The following MYOC variants were observed in gnomAD, a reference collection of about 807,000 sequenced individuals.
The protein encoded by MYOC is myocilin, also known as juvenile-onset open-angle glaucoma 1.
Under a neutral mutation model 28.2 loss-of-function variants are expected in MYOC, and 29 were observed. The ratio of observed to expected loss-of-function variants is 1.03; its 90% CI spans 0.77 to 1.40. The LOEUF is 1.40. Ranked by LOEUF, MYOC falls within the 40% of genes most tolerant of loss-of-function variation. MYOC has a pLI of 0.00. For missense variants in MYOC, 569 were observed against 620.6 expected, an observed-to-expected ratio of 0.92 and a Z score of 0.88; for synonymous variants, 240 against 245.6, an observed-to-expected ratio of 0.98 and a Z score of 0.21.
chr1:171,649,060 T>G (rs1012110273), intron 1 of MYOC, among the ~76,000 whole-genome samples: 2 of 151,838 alleles, frequency 1.3e-5, no homozygotes, highest in Non-Finnish European at 2.9e-5. Context: ...ATATGAAAAT[T>G]TATATAAGCC....
At chr1:171,641,085 G>T (rs2102946652) in intron 1 of MYOC, among the ~76,000 whole-genome samples, 1 of 152,314 alleles carries the variant, frequency 6.6e-6, no homozygotes, top group Non-Finnish European at 1.5e-5. Flanking sequence ...AGGTTCATCA[G>T]TTGTAACAAC....
intron 1 of MYOC, among the ~76,000 whole-genome samples, chr1:171,648,633 T>TTA (rs1324815491): frequency 6.8e-6 from 1 of 148,076 alleles, no homozygotes; most frequent in Non-Finnish European, 1.5e-5. Context: ...ATGTATTTTA[T>TTA]TATATATATA....
intron 1 of MYOC, among the ~76,000 whole-genome samples, chr1:171,646,802 T>C (rs1653217115): frequency 6.6e-6 from 1 of 152,136 alleles, no homozygotes; most frequent in South Asian, 2.1e-4. Flanking sequence ...GCTGTTTTTT[T>C]TCTAGGTTTT....
At chr1:171,636,844 A>G in intron 2 of MYOC, 135 bp from the exon 3 acceptor site, 3 of 926,986 alleles carry the variant, frequency 3.2e-6, no homozygotes, top group Non-Finnish European at 5.1e-6. Flanking sequence ...GTTTAAAGCT[A>G]GGCTCTACCA....
At chr1:171,639,683 G>A (rs770081025) in intron 1 of MYOC, among the ~76,000 whole-genome samples, 1 of 149,528 alleles carries the variant, frequency 6.7e-6, no homozygotes, top group African/African-American at 2.5e-5. Flanking sequence ...CGGGCACAGT[G>A]GCTCACACTG....
chr1:171,636,280 C>A lies in MYOC; in HGVS notation c.1160G>T (p.Gly387Val). 1.2e-6 allele frequency: 2 copies of A among 1,614,130 alleles called. No individual in the cohort carries two copies. ...TDIDLAVDEAGLWVIYSTDEA... is the reference protein window; with the variant it reads ...TDIDLAVDEAVLWVIYSTDEA... ...ATCGGTGCTGTAAATGACCCAGAGGCCTGCTTCATCCACAGCCAAGTCAAT... is the reference window on the plus strand; with the variant it reads ...ATCGGTGCTGTAAATGACCCAGAGGACTGCTTCATCCACAGCCAAGTCAAT... Residue 387 changes from glycine (G) to valine (V), a missense_variant, in exon 3 of 3, where the codon GGC becomes GTC. Transcript: ENST00000037502.
intron 2 of MYOC, among the ~76,000 whole-genome samples, chr1:171,637,993 G>A (rs1652969929): frequency 6.6e-6 from 1 of 152,144 alleles, no homozygotes; most frequent in South Asian, 2.1e-4. Context: ...TTAGAGAACC[G>A]TGTTTTAAAT....
intron 1 of MYOC, among the ~76,000 whole-genome samples, chr1:171,650,883 C>T (rs547570809): frequency 1.6e-4 from 24 of 152,230 alleles, no homozygotes; most frequent in South Asian, 1.0e-3. Context: ...GACATCCTGA[C>T]GCCTCACCCT....
intron 1 of MYOC, among the ~76,000 whole-genome samples, chr1:171,643,906 G>T (rs1039553266): frequency 5.5e-5 from 8 of 144,874 alleles, no homozygotes; most frequent in African/African-American, 1.8e-4. Flanking sequence ...GGGAGGCAAA[G>T]GTTGCAGTGA....
rs61730975 is a variant in MYOC, at chr1:171,636,252, C to T, written c.1188G>A (p.Glu396=). 1.4e-3 allele frequency: 2,302 copies of T among 1,614,114 alleles called. 26 individuals are homozygous for T. In the African/African-American group the frequency reaches 0.028, roughly 19 times the overall value. Residue 396 remains glutamate, a synonymous_variant, in exon 3 of 3, where the codon GAG becomes GAA. Coordinates refer to ENST00000037502, the MANE Select transcript of MYOC (RefSeq NM_000261.2). The stretch of plus-strand genomic sequence containing the variant: ...TGGAGAGGACAATGGCACCTTTGGC[C>T]TCATCGGTGCTGTAAATGACCCAGA... ...AGLWVIYSTD[E]AKGAIVLSKL...
intron 1 of MYOC, among the ~76,000 whole-genome samples, chr1:171,641,264 G>GCA (rs1241117878): frequency 6.6e-6 from 1 of 152,066 alleles, no homozygotes; most frequent in Non-Finnish European, 1.5e-5. Flanking sequence ...GAGGAAGGGG[G>GCA]CACACTAAGC....
intron 1 of MYOC, among the ~76,000 whole-genome samples, chr1:171,649,384 C>T (rs1296638376): frequency 2.0e-5 from 3 of 152,188 alleles, no homozygotes; most frequent in Non-Finnish European, 2.9e-5. Context: ...CAGAATGCCC[C>T]CTTTTCCCTA....
chr1:171,636,832 G>C, intron 2 of MYOC, 123 bp from the exon 3 acceptor site: 1 of 1,106,802 alleles, frequency 9.0e-7, no homozygotes, highest in Non-Finnish European at 1.3e-6. Context: ...CAAATCGTCT[G>C]GGTTTAAAGC....
intron 1 of MYOC, among the ~76,000 whole-genome samples, chr1:171,641,410 T>A (rs1226103257): frequency 6.6e-6 from 1 of 151,418 alleles, no homozygotes; most frequent in Non-Finnish European, 1.5e-5. Context: ...GATTGGGGAG[T>A]TTGAATAATT....
At chr1:171,636,990 G>A (rs1652939165) in intron 2 of MYOC, among the ~76,000 whole-genome samples, 1 of 152,178 alleles carries the variant, frequency 6.6e-6, no homozygotes, top group Admixed American at 6.5e-5. Context: ...TATGTTAAGT[G>A]CTTGGTATAG....
At chr1:171,648,774 G>C (rs1213897304) in intron 1 of MYOC, among the ~76,000 whole-genome samples, 2 of 149,818 alleles carry the variant, frequency 1.3e-5, no homozygotes, top group Non-Finnish European at 3.0e-5. Flanking sequence ...TGCAACGTCT[G>C]CCTCCCAGGT....
At position 171,635,976 on chromosome 1, in the gene MYOC, G is replaced by C. The variant is rs2234929; in HGVS notation, c.1464C>G (p.Ala488=). The C allele has an allele frequency of 6.2e-7, 1 of 1,614,142 alleles. No individual in the cohort carries two copies. Among genetic ancestry groups the C allele is most frequent in the East Asian group, 2.2e-5 (1 of 44,878 alleles). The change falls in exon 3 of 3, where the codon GCC becomes GCG. Residue 488 remains alanine, a synonymous_variant. Coordinates refer to ENST00000037502, the MANE Select transcript of MYOC (RefSeq NM_000261.2). The part of the protein sequence containing the change: ...DYNPLEKKLF[A]WDNLNMVTYD... The stretch of plus-strand genomic sequence containing the variant: ...AAGTGACCATGTTCAAGTTGTCCCA[G>C]GCAAAGAGCTTCTTCTCCAGGGGGT...
At chr1:171,645,978 G>A (rs978909470) in intron 1 of MYOC, among the ~76,000 whole-genome samples, 2 of 152,238 alleles carry the variant, frequency 1.3e-5, no homozygotes, top group Admixed American at 6.5e-5. Context: ...TCAGGGAATG[G>A]CTTCCAGGAT....
Position 171,636,034 on chromosome 1 carries a change from T to G in MYOC, c.1406A>C (p.Asn469Thr). Residue 469 changes from asparagine (N) to threonine (T), a missense_variant, in exon 3 of 3, where the codon AAC (asparagine) becomes ACC (threonine). By Grantham distance (65) the Asn-to-Thr change is moderately conservative. Coordinates refer to ENST00000037502, the MANE Select transcript of MYOC (RefSeq NM_000261.2). ...ISKTLTIPFKNRYKYSSMIDY... is the reference protein window; with the variant it reads ...ISKTLTIPFKTRYKYSSMIDY... The stretch of plus-strand genomic sequence containing the variant: ...AATCATGCTGCTGTACTTATAGCGG[T>G]TCTTGAATGGGATGGTCAGGGTCTT... 1 of 1,614,162 alleles carries G rather than the reference T, an allele frequency of 6.2e-7. No individual in the cohort carries two copies.
Sources: gnomAD v4.1 joint callset for allele counts (sites outside exome capture counted in the v4.1 genomes callset) on GRCh38, gnomAD v4.1.1 for gene constraint, MANE v1.5 for transcripts, NCBI Gene and HGNC (gene_info 2026-07-23, HGNC 2026-07-21) for gene names.